The following CHD5 variants were observed in gnomAD, a reference collection of about 807,000 sequenced individuals.
CHD5 encodes chromodomain helicase DNA binding protein 5.
In CHD5, 69 loss-of-function variants were observed where a neutral mutation model predicts 230.3. The observed-to-expected ratio is 0.30, with a 90% CI of 0.25 to 0.37. CHD5 has a LOEUF of 0.37. Ranked by LOEUF, CHD5 falls within the 10% of genes least tolerant of loss-of-function variation. The pLI is 1.00. For missense variants in CHD5, 1,827 were observed against 2,622.8 expected (o/e 0.70, Z 6.63); for synonymous variants, 1,064 against 1,065.9 (o/e 1.00, Z 0.03).
intron 1 of CHD5, among the ~76,000 whole-genome samples, chr1:6,175,367 CAT>C (rs1667409292): frequency 3.4e-5 from 3 of 87,236 alleles, no homozygotes; most frequent in African/African-American, 1.5e-4. Context: ...TGGATGGATG[CAT>C]GGATGGATGG....
rs1470000538 is a variant in CHD5 at position 6,123,029 on chromosome 1, C to T, written c.4699+919G>A. 2.0e-5 allele frequency among the ~76,000 whole-genome samples: 3 copies of T among 151,038 alleles called. 1 individual carries two copies. Among genetic ancestry groups the T allele is most frequent in the Middle Eastern group, 6.8e-3 (2 of 294 alleles). On this transcript the variant is annotated intron_variant, in intron 31 of 41. Coordinates refer to ENST00000262450, the MANE Select transcript of CHD5 (RefSeq NM_015557.3). ...TTGCAGTGAGCCGAGATCACTCCATCGCACTCCAGCCTGGGCAACAAGAGC... is the reference window on the plus strand; with the variant it reads ...TTGCAGTGAGCCGAGATCACTCCATTGCACTCCAGCCTGGGCAACAAGAGC...
intron 1 of CHD5, among the ~76,000 whole-genome samples, chr1:6,168,512 T>C (rs1667288754): frequency 6.6e-6 from 1 of 152,196 alleles, no homozygotes; most frequent in Admixed American, 6.5e-5. Flanking sequence ...CCTCTGTAAA[T>C]GGGACAATAA....
intron 13 of CHD5, 95 bp downstream of exon 13, chr1:6,143,728 C>T: frequency 8.7e-7 from 1 of 1,146,494 alleles, no homozygotes; most frequent in South Asian, 1.3e-5. Flanking sequence ...CCCAAGGAAA[C>T]ATCCTTTTGA....
chr1:6,111,938 G>C (rs74989300), intron 35 of CHD5, 55 bp from the exon 36 acceptor site: 5 of 1,538,602 alleles, frequency 3.2e-6, no homozygotes, highest in African/African-American at 1.4e-5. Context: ...CTCACGCACA[G>C]GCAGGCTTGG....
At position 6,124,598 on chromosome 1, in the gene CHD5, G is replaced by A. The variant is rs1331377830; in HGVS notation, c.4458C>T (p.Phe1486=). 3 of 1,602,096 alleles carry A rather than the reference G, an allele frequency of 1.9e-6. No homozygotes were observed. Among genetic ancestry groups the A allele is most frequent in the Non-Finnish European group, 2.6e-6 (3 of 1,175,302 alleles). ...CEPGADGAET[F]ADGVPREGLS... ...GGCCCTCCCGGGGCACGCCGTCTGC[G>A]AAGGTCTCTGCACCATCCGCCCCCG... The change falls in exon 30 of 42, where the codon TTC becomes TTT. Residue 1486 remains phenylalanine (F), a synonymous_variant. Transcript: ENST00000262450.
rs1315354519 is a variant in CHD5, at chr1:6,105,892, GC to G, written c.*46+341del. Among the ~76,000 whole-genome samples, 1 of 152,216 alleles carries G rather than the reference GC, an allele frequency of 6.6e-6. No individual in the cohort carries two copies. The highest frequency in any genetic ancestry group is 1.5e-5 in the Non-Finnish European group (1 of 68,036). The stretch of plus-strand genomic sequence containing the variant: ...AGCAGGACAGCAGGGGCAGGACAGG[GC>G]TCCAGGCGGGGGCAGCAGTCTCTGA... On this transcript the variant is annotated intron_variant, in intron 41 of 41. Coordinates refer to ENST00000262450, the MANE Select transcript of CHD5 (RefSeq NM_015557.3). This position sits in a 1 kb window ranked among gnomAD's most constrained non-coding sequence, Gnocchi z 4.8.
chr1:6,132,880 T>TTC (rs111561200), intron 20 of CHD5, among the ~76,000 whole-genome samples: 7,487 of 144,426 alleles, frequency 0.052, 486 homozygotes, highest in African/African-American at 0.16. Flanking sequence ...TCCTATTCTT[T>TTC]TCTCTCTCTC....
intron 3 of CHD5, among the ~76,000 whole-genome samples, chr1:6,156,131 G>A (rs1012803808): frequency 6.6e-6 from 1 of 152,198 alleles, no homozygotes; most frequent in Non-Finnish European, 1.5e-5. Flanking sequence ...CCCTCTGTGG[G>A]GACTGCATTC....
At chr1:6,143,314 T>G (rs1386648802) in intron 13 of CHD5, among the ~76,000 whole-genome samples, 2 of 152,180 alleles carry the variant, frequency 1.3e-5, no homozygotes, top group Non-Finnish European at 2.9e-5. Flanking sequence ...ATTACAGGCA[T>G]GAGCCACCAT....
rs1038241084 is a variant in CHD5, at chr1:6,128,384, C to T, written c.3730+115G>A. 16 of 1,113,520 alleles carry T rather than the reference C, an allele frequency of 1.4e-5. No homozygotes were observed. Among genetic ancestry groups the T allele is most frequent in the East Asian group, 1.0e-4 (4 of 39,738 alleles). The allele number at this position is 1,113,520 out of a possible 1,614,324, so 69.0% of individuals were successfully genotyped here. A position where few individuals can be genotyped will look rare whatever the true frequency, so the allele number is the denominator to read the frequency against. On this transcript the variant is annotated intron_variant, in intron 24 of 41. Transcript: ENST00000262450. This position sits in a 1 kb window ranked among gnomAD's most constrained non-coding sequence, Gnocchi z 7.8. ...ACTGCGCTGTAACAGCCCCACTCGC[C>T]GCCCACCTGGCAGTCCCAGGACGCC...
At chr1:6,159,641 A>C in intron 2 of CHD5, 126 bp from the exon 3 acceptor site, 1 of 741,626 alleles carries the variant, frequency 1.3e-6, no homozygotes. Flanking sequence ...CCATCACTCC[A>C]CTCATCATCA....
At position 6,155,004 on chromosome 1, in the gene CHD5, G is replaced by T; in HGVS notation, c.507-106C>A. On this transcript the variant is annotated intron_variant, in intron 4 of 41. Transcript: ENST00000262450. The surrounding 1 kb of genome is among the most constrained non-coding windows in gnomAD (Gnocchi z 4.0). ...TCTGCCACATGTGCGATCTATGGCAGCAGCCCCAGGTTCCTGATTAGAGAG... is the reference window on the plus strand; with the variant it reads ...TCTGCCACATGTGCGATCTATGGCATCAGCCCCAGGTTCCTGATTAGAGAG... 1.0e-6 allele frequency: 1 copy of T among 1,000,040 alleles called. No homozygotes were observed. The highest frequency in any genetic ancestry group is 1.5e-6 in the Non-Finnish European group (1 of 678,542). 61.9% of individuals were successfully genotyped at this position (1,000,040 alleles called of 1,614,324 possible).
rs574418262 is a variant in CHD5 at position 6,179,344 on chromosome 1, G to A, written c.79+601C>T. Reference sequence around the variant, plus strand: ...GGAGCGGCGGTCACAGCGCACAGAGGCCAGGAAAGAGGAGCAGGGGTCCGA... The same window carrying A: ...GGAGCGGCGGTCACAGCGCACAGAGACCAGGAAAGAGGAGCAGGGGTCCGA... On this transcript the variant is annotated intron_variant, in intron 1 of 41. Transcript: ENST00000262450. Among the ~76,000 whole-genome samples, 3 of 152,204 alleles carry A rather than the reference G, an allele frequency of 2.0e-5. No individual in the cohort carries two copies. In the East Asian group the frequency reaches 5.8e-4, roughly 30 times the overall value.
intron 38 of CHD5, among the ~76,000 whole-genome samples, 173 bp downstream of exon 38, chr1:6,109,622 G>C (rs1666252885): frequency 6.6e-6 from 1 of 152,196 alleles, no homozygotes; most frequent in East Asian, 1.9e-4. Flanking sequence ...CTGCAGGGGA[G>C]ATAAGGGGTC....
Position 6,180,015 on chromosome 1 carries a change from G to A in CHD5, c.9C>T (p.Gly3=). MR[G]PVGTEEELPR... Reference sequence around the variant, plus strand: ...GCAGCTCCTCCTCGGTGCCCACTGGGCCCCGCATGCCCGGCGCGGGGAGGA... The same window carrying A: ...GCAGCTCCTCCTCGGTGCCCACTGGACCCCGCATGCCCGGCGCGGGGAGGA... Residue 3 remains glycine, a synonymous_variant, in exon 1 of 42, where the codon GGC becomes GGT. Coordinates refer to ENST00000262450, the MANE Select transcript of CHD5 (RefSeq NM_015557.3). The A allele has an allele frequency of 7.4e-7, 1 of 1,355,792 alleles. No homozygotes were observed. The highest frequency in any genetic ancestry group is 9.6e-7 in the Non-Finnish European group (1 of 1,040,584). 84.0% of individuals were successfully genotyped at this position (1,355,792 alleles called of 1,614,324 possible).
At position 6,142,859 on chromosome 1, in the gene CHD5, C is replaced by T. The variant is rs925396909; in HGVS notation, c.2044-254G>A. ...TACTTCTCCTATCAGGGAAATTTCC[C>T]GACTGTTGAATTCTCTGACTCTGAG... On this transcript the variant is annotated intron_variant, in intron 13 of 41. Transcript: ENST00000262450. This position sits in a 1 kb window ranked among gnomAD's most constrained non-coding sequence, Gnocchi z 5.2. Among the ~76,000 whole-genome samples the T allele has an allele frequency of 1.3e-5, 2 of 152,132 alleles. No homozygotes were observed. Among genetic ancestry groups the T allele is most frequent in the Non-Finnish European group, 2.9e-5 (2 of 68,020 alleles).
At position 6,154,775 on chromosome 1, in the gene CHD5, C is replaced by T. The variant is rs377037328; in HGVS notation, c.630G>A (p.Ala210=). The change falls in exon 5 of 42, where the codon GCG becomes GCA. Residue 210 remains alanine, a synonymous_variant. Coordinates refer to ENST00000262450, the MANE Select transcript of CHD5 (RefSeq NM_015557.3). This position sits in a 1 kb window ranked among gnomAD's most constrained non-coding sequence, Gnocchi z 7.0. ...TCTCTACAGCCGCAGCCACCGCCGC[C>T]GCCGCTGCTGCCGCGGAGCTGCCCT... is the stretch of plus-strand genomic sequence containing the variant. ...PFKGSSAAAA[A]AAVAAAVETV... The T allele has an allele frequency of 6.2e-6, 10 of 1,612,974 alleles. No individual in the cohort carries two copies. The highest frequency in any genetic ancestry group is 8.5e-6 in the Non-Finnish European group (10 of 1,179,826).
chr1:6,178,207 G>A (rs981705024), intron 1 of CHD5, among the ~76,000 whole-genome samples: 1 of 152,126 alleles, frequency 6.6e-6, no homozygotes, highest in Non-Finnish European at 1.5e-5. Context: ...GGGAGCACGG[G>A]TGGTGGGCAG....
chr1:6,151,185 C>A, intron 6 of CHD5, 30 bp from the exon 7 acceptor site: 1 of 1,584,418 alleles, frequency 6.3e-7, no homozygotes, highest in South Asian at 1.2e-5. Context: ...CCTGTGATCC[C>A]AGGGCTTCAC....
Sources: gnomAD v4.1 joint callset for allele counts (sites outside exome capture counted in the v4.1 genomes callset) on GRCh38, gnomAD v4.1.1 for gene constraint, Gnocchi (gnomAD v3.1) non-coding constraint, MANE v1.5 for transcripts, NCBI Gene and HGNC (gene_info 2026-07-23, HGNC 2026-07-21) for gene names.